APBA1: variants seen among roughly 807,000 people sequenced by gnomAD.
APBA1 encodes amyloid-beta A4 precursor protein-binding family A member 1.
APBA1 carries 55 observed loss-of-function variants against 86.6 expected under a neutral mutation model. That is an observed-to-expected ratio of 0.64 (90% confidence interval 0.51 to 0.80). The LOEUF is 0.80. Ranked by LOEUF, APBA1 falls within the 30% of genes least tolerant of loss-of-function variation. The pLI, the probability that APBA1 is intolerant of heterozygous loss-of-function variation, is 0.00. For missense variants in APBA1, 1,090 were observed against 1,183.0 expected, an observed-to-expected ratio of 0.92 and a Z score of 1.15; for synonymous variants, 511 against 493.9, an observed-to-expected ratio of 1.03 and a Z score of -0.46.
At chr9:69,617,618 G>A (rs948360661) in intron 1 of APBA1, among the ~76,000 whole-genome samples, 3 of 151,966 alleles carry the variant, frequency 2.0e-5, no homozygotes, top group Admixed American at 1.3e-4. Flanking sequence ...AAATTGTTGA[G>A]AATATGGGAA....
chr9:69,519,657 G>A (rs555908374), intron 1 of APBA1, among the ~76,000 whole-genome samples: 25 of 152,264 alleles, frequency 1.6e-4, no homozygotes, highest in African/African-American at 4.3e-4. Context: ...TGTGGTCAGC[G>A]TAAGAAAAAC....
At chr9:69,614,336 G>A (rs1822653271) in intron 1 of APBA1, among the ~76,000 whole-genome samples, 1 of 152,132 alleles carries the variant, frequency 6.6e-6, no homozygotes, top group Non-Finnish European at 1.5e-5. Context: ...TCATCTTGTG[G>A]AGATATTAAA....
At chr9:69,448,447 G>GA (rs1243143312) in intron 10 of APBA1, among the ~76,000 whole-genome samples, 3 of 152,112 alleles carry the variant, frequency 2.0e-5, no homozygotes. Flanking sequence ...TAAGATATAA[G>GA]AAAAAGAAAT....
At chr9:69,646,635 G>A (rs538420892) in intron 1 of APBA1, among the ~76,000 whole-genome samples, 19 of 152,238 alleles carry the variant, frequency 1.2e-4, no homozygotes, top group African/African-American at 4.3e-4. Context: ...GGGGCATTCT[G>A]GTCTGCTCTC....
At chr9:69,609,365 T>C (rs893703607) in intron 1 of APBA1, among the ~76,000 whole-genome samples, 1 of 152,168 alleles carries the variant, frequency 6.6e-6, no homozygotes, top group Non-Finnish European at 1.5e-5. Flanking sequence ...ACAAAATCCT[T>C]CTGCAAGGAC....
chr9:69,449,515 T>C, intron 10 of APBA1, 69 bp downstream of exon 10: 6 of 1,377,144 alleles, frequency 4.4e-6, no homozygotes, highest in Non-Finnish European at 6.2e-6. Flanking sequence ...CATTAATGAC[T>C]GGATGGGGGT....
chr9:69,466,346 A>G (rs1490459126), intron 5 of APBA1, among the ~76,000 whole-genome samples: 1 of 152,226 alleles, frequency 6.6e-6, no homozygotes, highest in Non-Finnish European at 1.5e-5. Context: ...TATTCACCAC[A>G]TGGCAGAGTC....
chr9:69,515,318 G>A (rs887456117), intron 2 of APBA1, among the ~76,000 whole-genome samples: 1 of 152,090 alleles, frequency 6.6e-6, no homozygotes, highest in Admixed American at 6.5e-5. Flanking sequence ...CTCCAGGTGC[G>A]TGAACTTTGG....
chr9:69,672,584 C>A (rs538543220), upstream of APBA1, among the ~76,000 whole-genome samples: 23 of 149,746 alleles, frequency 1.5e-4, no homozygotes, highest in Non-Finnish European at 3.0e-4. Context: ...CCGCTGATGT[C>A]CTCCGTGGGC....
At chr9:69,432,047 T>C (rs1423111808) in intron 12 of APBA1, among the ~76,000 whole-genome samples, 2 of 152,230 alleles carry the variant, frequency 1.3e-5, no homozygotes, top group East Asian at 1.9e-4. Context: ...ACAGTAGTGA[T>C]GACTGATAGG....
intron 1 of APBA1, among the ~76,000 whole-genome samples, chr9:69,565,312 A>C (rs990806072): frequency 1.3e-5 from 2 of 152,082 alleles, no homozygotes; most frequent in African/African-American, 2.4e-5. Context: ...TCCACATGCC[A>C]CAGCCAGTGC....
intron 10 of APBA1, among the ~76,000 whole-genome samples, chr9:69,445,506 G>A (rs1331711753): frequency 1.3e-5 from 2 of 152,164 alleles, no homozygotes; most frequent in African/African-American, 2.4e-5. Context: ...GAGGGGCGAA[G>A]AGAGAAAAGA....
intron 2 of APBA1, among the ~76,000 whole-genome samples, chr9:69,502,632 G>T (rs555708437): frequency 6.6e-6 from 1 of 152,136 alleles, no homozygotes; most frequent in Admixed American, 6.5e-5. Flanking sequence ...TGACAGAAAT[G>T]ACACTTTACT....
chr9:69,446,065 CA>C (rs1346163515), intron 10 of APBA1, among the ~76,000 whole-genome samples: 1 of 152,198 alleles, frequency 6.6e-6, no homozygotes, highest in African/African-American at 2.4e-5. Flanking sequence ...AATTTGAACA[CA>C]GCCTTGAAGT....
intron 1 of APBA1, among the ~76,000 whole-genome samples, chr9:69,661,035 A>G (rs1823743545): frequency 6.6e-6 from 1 of 152,224 alleles, no homozygotes; most frequent in South Asian, 2.1e-4. Flanking sequence ...AGATGGTTGC[A>G]AAAAGTTAAA....
At chr9:69,613,619 G>A (rs929239021) in intron 1 of APBA1, among the ~76,000 whole-genome samples, 7 of 151,964 alleles carry the variant, frequency 4.6e-5, no homozygotes, top group Non-Finnish European at 1.0e-4. Context: ...TTTTTATCTA[G>A]CTCTAACTCT....
chr9:69,469,607 A>G (rs1835334125), intron 4 of APBA1, among the ~76,000 whole-genome samples: 1 of 152,122 alleles, frequency 6.6e-6, no homozygotes, highest in African/African-American at 2.4e-5. Flanking sequence ...AGTAATTCAC[A>G]CTCTACTCAA....
Position 69,562,414 on chromosome 9 carries a change from G to A in APBA1, c.-69-45135C>T, listed in dbSNP as rs185272790. Among the ~76,000 whole-genome samples, 506 of 149,032 alleles carry A rather than the reference G, an allele frequency of 3.4e-3. 4 individuals carry two copies. The highest frequency in any genetic ancestry group is 0.012 in the African/African-American group (473 of 40,308). On this transcript the variant is annotated intron_variant, in intron 1 of 12. Transcript: ENST00000265381. Reference sequence around the variant, plus strand: ...TTTTGACATGAAGTCTCCCTCTGTCGCCCAGGCTGGAGTGCAGTGGCATGA... The same window carrying A: ...TTTTGACATGAAGTCTCCCTCTGTCACCCAGGCTGGAGTGCAGTGGCATGA...
At chr9:69,650,951 G>A (rs891370914) in intron 1 of APBA1, among the ~76,000 whole-genome samples, 1 of 152,072 alleles carries the variant, frequency 6.6e-6, no homozygotes, top group Non-Finnish European at 1.5e-5. Context: ...AAGACAGAAA[G>A]ACATATATAA....
Sources: allele counts gnomAD v4.1 joint callset (sites outside exome capture counted in the v4.1 genomes callset), GRCh38; gene constraint gnomAD v4.1.1; transcripts MANE v1.5; gene names NCBI Gene and HGNC (gene_info 2026-07-23, HGNC 2026-07-21).